Variants in DCAF17 observed in about 807,000 individuals in gnomAD.
DCAF17 encodes DDB1- and CUL4-associated factor 17.
In DCAF17, 48 loss-of-function variants were observed where a neutral mutation model predicts 66.0. The observed-to-expected ratio is 0.73, with a 90% CI of 0.58 to 0.92. The LOEUF (loss-of-function observed/expected upper bound fraction) is 0.92. DCAF17 is among the 40% of genes least tolerant of loss of function. DCAF17 has a pLI of 0.00. For synonymous variants in DCAF17, 206 were observed against 214.6 expected, an observed-to-expected ratio of 0.96 and a Z score of 0.35; for missense variants, 562 against 622.8, an observed-to-expected ratio of 0.90 and a Z score of 1.04.
At chr2:171,454,502 T>C (rs1431740329) in intron 6 of DCAF17, among the ~76,000 whole-genome samples, 1 of 152,056 alleles carries the variant, frequency 6.6e-6, no homozygotes, top group African/African-American at 2.4e-5. Context: ...GCCAGGATGG[T>C]CTCGATCTCC....
rs1471603646 is a variant in DCAF17 at position 171,480,112 on chromosome 2, AG to A, written c.1343del (p.Gly448GlufsTer21). Reference protein sequence around the residue: ...VVAVTQIDAEGKAHLDFHCNE... With the variant: ...VVAVTQIDAEXKAHLDFHCNE... The stretch of plus-strand genomic sequence containing the variant: ...TAGCTGTTACTCAAATAGATGCTGA[AG>A]GAAAAGCTCACCTGGATTTCCACTG... On this transcript the variant is annotated frameshift_variant, in exon 13 of 14. Coordinates refer to ENST00000375255, the MANE Select transcript of DCAF17 (RefSeq NM_025000.4). LOFTEE classifies it high-confidence loss of function. 6.2e-7 allele frequency: 1 copy of A among 1,613,900 alleles called. No homozygotes were observed. Among genetic ancestry groups the A allele is most frequent in the African/African-American group, 1.3e-5 (1 of 75,038 alleles).
At chr2:171,443,730 T>G in intron 3 of DCAF17, 117 bp downstream of exon 3, 2 of 781,692 alleles carry the variant, frequency 2.6e-6, no homozygotes, top group African/African-American at 1.7e-5. Context: ...CTCTTGCATC[T>G]TTAAAGCAAT....
At position 171,475,720 on chromosome 2, in the gene DCAF17, A is replaced by G. The variant is rs569368314; in HGVS notation, c.1092-1140A>G. ...CGAGGCTGCAGTGAGCTATGATTGT[A>G]GCGCTGTACTCCAGCCTGGGTAATG... On this transcript the variant is annotated intron_variant, in intron 10 of 13. Transcript: ENST00000375255. 2.6e-5 allele frequency among the ~76,000 whole-genome samples: 4 copies of G among 152,338 alleles called. No individual in the cohort carries two copies. In the East Asian group the frequency reaches 7.7e-4, roughly 29 times the overall value.
In DCAF17 at chr2:171,484,940, T is replaced by C; in HGVS notation, c.*3826T>C. 2.2e-6 allele frequency: 1 copy of C among 454,102 alleles called. No homozygotes were observed. The highest frequency in any genetic ancestry group is 6.9e-4 in the Middle Eastern group (1 of 1,444). The allele number at this position is 454,102 out of a possible 1,614,324, so 28.1% of individuals were successfully genotyped here. On this transcript the variant is annotated 3_prime_UTR_variant, in exon 14 of 14. Transcript: ENST00000375255. ...ATTTCTTTTTATTGCTGAGTATTCTTTCGTATGAATATATCACAGTTTGTT... is the reference window on the plus strand; with the variant it reads ...ATTTCTTTTTATTGCTGAGTATTCTCTCGTATGAATATATCACAGTTTGTT...
intron 2 of DCAF17, among the ~76,000 whole-genome samples, chr2:171,438,480 A>G (rs575783194): frequency 8.5e-5 from 13 of 152,132 alleles, no homozygotes; most frequent in Admixed American, 3.3e-4. Flanking sequence ...GGATTTATCT[A>G]TTTCTCCTTG....
At chr2:171,470,046 C>CA (rs1411736498) in intron 9 of DCAF17, among the ~76,000 whole-genome samples, 1 of 152,182 alleles carries the variant, frequency 6.6e-6, no homozygotes, top group African/African-American at 2.4e-5. Context: ...TATTTAGAGA[C>CA]AGAGTCTCAC....
At chr2:171,444,233 A>G (rs1481059916) in intron 3 of DCAF17, among the ~76,000 whole-genome samples, 1 of 152,134 alleles carries the variant, frequency 6.6e-6, no homozygotes, top group Non-Finnish European at 1.5e-5. Flanking sequence ...ATACAATAAT[A>G]CTAATAGGTA....
intron 5 of DCAF17, 189 bp downstream of exon 5, chr2:171,450,146 A>G: frequency 1.8e-6 from 1 of 542,644 alleles, no homozygotes. Flanking sequence ...AAAACCAGAC[A>G]TTGTATTTTC....
rs1411021163 is a variant in DCAF17, at chr2:171,434,472, GA to G, written c.-103del. ...GTCAGCTTTCCCTGGGCCCCGCCGG[GA>G]AAGTCTGGGCCTCGAAATTCGAAGG... On this transcript the variant is annotated 5_prime_UTR_variant, in exon 1 of 14. Coordinates refer to ENST00000375255, the MANE Select transcript of DCAF17 (RefSeq NM_025000.4). 6.6e-7 allele frequency: 1 copy of G among 1,514,044 alleles called. No homozygotes were observed. The highest frequency in any genetic ancestry group is 8.8e-7 in the Non-Finnish European group (1 of 1,132,622). The allele number at this position is 1,514,044 out of a possible 1,614,324, so 93.8% of individuals were successfully genotyped here.
In DCAF17 at chr2:171,481,898, G is replaced by A. The variant is rs1696760946; in HGVS notation, c.*784G>A. ...ATTCTACTCATTTAGTGAGTTTTCT[G>A]ATCTTGTTTAGGCAATATTTGCATA... On this transcript the variant is annotated 3_prime_UTR_variant, in exon 14 of 14. Transcript: ENST00000375255. The A allele has an allele frequency of 2.2e-6, 1 of 453,988 alleles. No homozygotes were observed. The allele number at this position is 453,988 out of a possible 1,614,324, so 28.1% of individuals were successfully genotyped here. A position where few individuals can be genotyped will look rare whatever the true frequency, so the allele number is the denominator to read the frequency against.
rs1335902857 is a variant in DCAF17, at chr2:171,460,315, T to G, written c.838+1838T>G. Among the ~76,000 whole-genome samples the G allele has an allele frequency of 2.4e-5, 3 of 127,496 alleles. No homozygotes were observed. The East Asian group carries it at 6.6e-4, about 28-fold the overall frequency. 83.6% of individuals were successfully genotyped at this position (127,496 alleles called of 152,430 possible). On this transcript the variant is annotated intron_variant, in intron 8 of 13. Coordinates refer to ENST00000375255, the MANE Select transcript of DCAF17 (RefSeq NM_025000.4). ...TCTAGCCTGGGCGATTGAGCGAGAT[T>G]CCATCTCAAAAAAAAAAAAAAAAAA...
chr2:171,447,159 G>T (rs1391424928), intron 3 of DCAF17, among the ~76,000 whole-genome samples: 1 of 150,920 alleles, frequency 6.6e-6, no homozygotes, highest in Non-Finnish European at 1.5e-5. Context: ...GTATTTAGTG[G>T]TGTATAATGT....
intron 3 of DCAF17, among the ~76,000 whole-genome samples, chr2:171,444,170 G>A (rs1406827204): frequency 2.0e-5 from 3 of 152,116 alleles, no homozygotes; most frequent in Non-Finnish European, 4.4e-5. Context: ...GTTTAAGACT[G>A]TAAACATATC....
intron 8 of DCAF17, among the ~76,000 whole-genome samples, chr2:171,459,115 G>A (rs1397104552): frequency 2.0e-5 from 3 of 152,084 alleles, no homozygotes; most frequent in African/African-American, 4.8e-5. Context: ...TTTGAGACCA[G>A]CCTGACCAAC....
At chr2:171,435,606 A>G (rs1483343554) in intron 2 of DCAF17, among the ~76,000 whole-genome samples, 2 of 151,990 alleles carry the variant, frequency 1.3e-5, no homozygotes, top group Non-Finnish European at 1.5e-5. Context: ...TAGAGATCCA[A>G]AATGTTTAAC....
In DCAF17 at chr2:171,481,366, T is replaced by C. The variant is rs1451104549; in HGVS notation, c.*252T>C. On this transcript the variant is annotated 3_prime_UTR_variant, in exon 14 of 14. Transcript: ENST00000375255. Reference sequence around the variant, plus strand: ...TTTGCAGCTTTGAGCTAGGTGGTAATGCAAATATAAAATGCTGGGAACAGA... The same window carrying C: ...TTTGCAGCTTTGAGCTAGGTGGTAACGCAAATATAAAATGCTGGGAACAGA... The C allele has an allele frequency of 3.6e-6, 2 of 562,368 alleles. No individual in the cohort carries two copies. The highest frequency in any genetic ancestry group is 2.2e-5 in the Admixed American group (1 of 45,742). 34.8% of individuals were successfully genotyped at this position (562,368 alleles called of 1,614,324 possible).
At chr2:171,469,708 A>T (rs1327642094) in intron 9 of DCAF17, among the ~76,000 whole-genome samples, 3 of 152,248 alleles carry the variant, frequency 2.0e-5, no homozygotes, top group Non-Finnish European at 4.4e-5. Context: ...GTAGAAAAAT[A>T]AGATGCAATG....
intron 2 of DCAF17, 117 bp downstream of exon 2, chr2:171,435,303 C>A: frequency 2.5e-6 from 2 of 792,498 alleles, no homozygotes; most frequent in Non-Finnish European, 4.3e-6. Context: ...AAAAATGGGT[C>A]CGAAATAAGA....
intron 2 of DCAF17, among the ~76,000 whole-genome samples, chr2:171,439,885 A>G (rs1694205901): frequency 6.6e-6 from 1 of 151,658 alleles, no homozygotes; most frequent in Non-Finnish European, 1.5e-5. Flanking sequence ...TTGTGATTGC[A>G]TGCCACTGCA....
Sources: allele counts gnomAD v4.1 joint callset (sites outside exome capture counted in the v4.1 genomes callset), GRCh38; gene constraint gnomAD v4.1.1; transcripts MANE v1.5; gene names NCBI Gene and HGNC (gene_info 2026-07-23, HGNC 2026-07-21).